The following TNFRSF1B variants were observed in gnomAD, a reference collection of about 807,000 sequenced individuals.
TNFRSF1B encodes TNF receptor superfamily member 1B, also known as tumor necrosis factor receptor superfamily member 1B.
TNFRSF1B carries 19 observed loss-of-function variants against 44.6 expected under a neutral mutation model. That is an observed-to-expected ratio of 0.43 (90% CI 0.30 to 0.62). The LOEUF is 0.62. Among genes scored for constraint, TNFRSF1B ranks in the 20% least tolerant of loss-of-function variants. TNFRSF1B has a pLI of 0.16. For synonymous variants in TNFRSF1B, 252 were observed against 261.1 expected (o/e 0.97, Z 0.34); for missense variants, 541 against 619.9 (o/e 0.87, Z 1.35).
Position 12,177,395 on chromosome 1 carries a change from C to A in TNFRSF1B, c.78+10226C>A, listed in dbSNP as rs1638685286. Among the ~76,000 whole-genome samples, 1 of 152,178 alleles carries A rather than the reference C, an allele frequency of 6.6e-6. No homozygotes were observed. The highest frequency in any genetic ancestry group is 2.4e-5 in the African/African-American group (1 of 41,442). On this transcript the variant is annotated intron_variant, in intron 1 of 9. Transcript: ENST00000376259. This position sits in a 1 kb window ranked among gnomAD's most constrained non-coding sequence, Gnocchi z 4.3. ...AGGGCCAGCCCGGTCCTGGTCACCG[C>A]TGGCTGGTTACCCCGGCTGGGTTGG... is the stretch of plus-strand genomic sequence containing the variant.
intron 8 of TNFRSF1B, among the ~76,000 whole-genome samples, chr1:12,198,689 C>CTTTTTTTTTTT (rs1324757848): frequency 4.3e-4 from 19 of 44,092 alleles, no homozygotes; most frequent in Non-Finnish European, 6.6e-4. Context: ...GGCTGGAATT[C>CTTTTTTTTTTT]TGTTTTTTTT....
At chr1:12,183,645 T>TCTA (rs1341643414) in intron 1 of TNFRSF1B, among the ~76,000 whole-genome samples, 1 of 147,876 alleles carries the variant, frequency 6.8e-6, no homozygotes, top group African/African-American at 2.5e-5. Flanking sequence ...TATCTAGCTA[T>TCTA]TTTATCTATT....
intron 1 of TNFRSF1B, among the ~76,000 whole-genome samples, chr1:12,174,154 TCTTCTTCTTCTCCTTCTC>T (rs1557623652): frequency 6.8e-5 from 5 of 74,064 alleles, no homozygotes; most frequent in East Asian, 4.5e-4. Context: ...TTCTTCTTCT[TCTTCTTCTTCTCCTTCTC>T]CTTCTCCTTC....
At chr1:12,191,544 C>G (rs932445735) in intron 3 of TNFRSF1B, among the ~76,000 whole-genome samples, 1 of 147,592 alleles carries the variant, frequency 6.8e-6, no homozygotes, top group Non-Finnish European at 1.5e-5. Flanking sequence ...CTGCGGGGGA[C>G]GAGCAGGACT....
Position 12,183,796 on chromosome 1 carries a change from A to AT in TNFRSF1B, c.79-4999dup, listed in dbSNP as rs1204471175. On this transcript the variant is annotated intron_variant, in intron 1 of 9. Transcript: ENST00000376259. Reference sequence around the variant, plus strand: ...ATCTATTCTATCTACCTACCTATCTATCTATCTAGCTATCTATCTATTCTA... The same window carrying AT: ...ATCTATTCTATCTACCTACCTATCTATTCTATCTAGCTATCTATCTATTCTA... 2.2e-3 allele frequency among the ~76,000 whole-genome samples: 313 copies of AT among 141,502 alleles called. 1 individual carries two copies. Among genetic ancestry groups the AT allele is most frequent in the Middle Eastern group, 7.6e-3 (2 of 262 alleles). 92.8% of individuals were successfully genotyped at this position (141,502 alleles called of 152,430 possible).
rs902455632 is a variant in TNFRSF1B, at chr1:12,207,339, G to A, written c.*319G>A. 1 of 340,596 alleles carries A rather than the reference G, an allele frequency of 2.9e-6. No homozygotes were observed. The highest frequency in any genetic ancestry group is 5.3e-6 in the Non-Finnish European group (1 of 189,332). 21.1% of individuals were successfully genotyped at this position (340,596 alleles called of 1,614,324 possible). On this transcript the variant is annotated 3_prime_UTR_variant, in exon 10 of 10. Transcript: ENST00000376259. ...CCGCCCAGCTGCACCTGCCAGCCTG[G>A]CTTCTGGAGCCCTTGGGTTTTTTGT...
chr1:12,206,709 A>G (rs2101131862), intron 9 of TNFRSF1B, 31 bp from the exon 10 acceptor site: 3 of 1,528,258 alleles, frequency 2.0e-6, no homozygotes, highest in African/African-American at 1.4e-5. Flanking sequence ...GGACCCCCGG[A>G]CTGACCCCCA....
In TNFRSF1B at chr1:12,178,089, C is replaced by T. The variant is rs563084144; in HGVS notation, c.79-10707C>T. Among the ~76,000 whole-genome samples, 1 of 152,352 alleles carries T rather than the reference C, an allele frequency of 6.6e-6. No individual in the cohort carries two copies. Among genetic ancestry groups the T allele is most frequent in the East Asian group, 1.9e-4 (1 of 5,190 alleles). Reference sequence around the variant, plus strand: ...GGTGGTGGTGGAGGAGACCGTGAGCCGCTGTCACCTGAACACTGGTGCACT... The same window carrying T: ...GGTGGTGGTGGAGGAGACCGTGAGCTGCTGTCACCTGAACACTGGTGCACT... On this transcript the variant is annotated intron_variant, in intron 1 of 9. Transcript: ENST00000376259. This position sits in a 1 kb window ranked among gnomAD's most constrained non-coding sequence, Gnocchi z 4.3.
At chr1:12,175,118 G>C (rs1638624548) in intron 1 of TNFRSF1B, among the ~76,000 whole-genome samples, 3 of 152,196 alleles carry the variant, frequency 2.0e-5, no homozygotes, top group African/African-American at 7.2e-5. Flanking sequence ...AGGGAGGGGG[G>C]AGGACATCTT....
chr1:12,172,519 G>A (rs2101076767), intron 1 of TNFRSF1B, among the ~76,000 whole-genome samples: 1 of 152,320 alleles, frequency 6.6e-6, no homozygotes, highest in East Asian at 1.9e-4. Flanking sequence ...GTGGTGCTCG[G>A]GCCTAGGTGG....
Position 12,193,578 on chromosome 1 carries a change from A to G in TNFRSF1B, c.788-377A>G, listed in dbSNP as rs575850686. Reference sequence around the variant, plus strand: ...ATGAGTGAGGTCCTATCTCAAAAACAAAACAAAACCAAACAAAACCCCTGG... The same window carrying G: ...ATGAGTGAGGTCCTATCTCAAAAACGAAACAAAACCAAACAAAACCCCTGG... On this transcript the variant is annotated intron_variant, in intron 6 of 9. Transcript: ENST00000376259. Among the ~76,000 whole-genome samples, 3 of 152,348 alleles carry G rather than the reference A, an allele frequency of 2.0e-5. No individual in the cohort carries two copies. In the South Asian group the frequency reaches 6.2e-4, roughly 32 times the overall value.
At chr1:12,200,323 C>G (rs17880252) in intron 8 of TNFRSF1B, among the ~76,000 whole-genome samples, 1 of 151,882 alleles carries the variant, frequency 6.6e-6, no homozygotes, top group African/African-American at 2.4e-5. Context: ...AGCCTGTGGG[C>G]GGACTCTGGA....
rs544533606 is a variant in TNFRSF1B, at chr1:12,169,717, A to G, written c.78+2548A>G. ...GTCTTATTTGCCAGCTGGTATGGAA[A>G]ACATCATTCATTCATTTAGCCATTT... On this transcript the variant is annotated intron_variant, in intron 1 of 9. Transcript: ENST00000376259. The surrounding 1 kb of genome is among the most constrained non-coding windows in gnomAD (Gnocchi z 4.5). Among the ~76,000 whole-genome samples the G allele has an allele frequency of 3.3e-5, 5 of 152,386 alleles. No homozygotes were observed. Among genetic ancestry groups the G allele is most frequent in the African/African-American group, 1.2e-4 (5 of 41,594 alleles).
chr1:12,175,936 C>T (rs766309841), intron 1 of TNFRSF1B, among the ~76,000 whole-genome samples: 51 of 152,062 alleles, frequency 3.4e-4, no homozygotes, highest in Non-Finnish European at 6.2e-4. Flanking sequence ...GGGGACAGGC[C>T]GGGCACGGTG....
chr1:12,190,632 G>T (rs1450504430), intron 2 of TNFRSF1B, among the ~76,000 whole-genome samples: 1 of 151,982 alleles, frequency 6.6e-6, no homozygotes, highest in Non-Finnish European at 1.5e-5. Context: ...CCCCTAGCTG[G>T]AGAATATTAG....
chr1:12,181,846 C>A (rs1323244450), intron 1 of TNFRSF1B, among the ~76,000 whole-genome samples: 1 of 152,216 alleles, frequency 6.6e-6, no homozygotes, highest in African/African-American at 2.4e-5. Context: ...TGTTTCTCCA[C>A]CTCTCATGTG....
intron 1 of TNFRSF1B, among the ~76,000 whole-genome samples, chr1:12,172,820 A>T (rs917264750): frequency 6.6e-6 from 1 of 152,192 alleles, no homozygotes; most frequent in Non-Finnish European, 1.5e-5. Flanking sequence ...AGTGAGTAAC[A>T]GGTGCTGTGT....
chr1:12,184,683 CG>C (rs779251497), intron 1 of TNFRSF1B, among the ~76,000 whole-genome samples: 3 of 152,210 alleles, frequency 2.0e-5, no homozygotes, highest in Non-Finnish European at 4.4e-5. Context: ...AACTTGGCCA[CG>C]GCAGGGCTCT....
In TNFRSF1B at chr1:12,187,641, G is replaced by A. The variant is rs1639016473; in HGVS notation, c.79-1155G>A. Among the ~76,000 whole-genome samples the A allele has an allele frequency of 6.6e-6, 1 of 152,250 alleles. No individual in the cohort carries two copies. The highest frequency in any genetic ancestry group is 6.5e-5 in the Admixed American group (1 of 15,284). ...CGGTTTCCTGTTCTATAAAATGGCT[G>A]CAGTAGGGAAACCGTCTCCATCTTC... On this transcript the variant is annotated intron_variant, in intron 1 of 9. Coordinates refer to ENST00000376259, the MANE Select transcript of TNFRSF1B (RefSeq NM_001066.3). This position sits in a 1 kb window ranked among gnomAD's most constrained non-coding sequence, Gnocchi z 5.5.
Sources: gnomAD v4.1 joint callset for allele counts (sites outside exome capture counted in the v4.1 genomes callset) on GRCh38, gnomAD v4.1.1 for gene constraint, Gnocchi (gnomAD v3.1) non-coding constraint, MANE v1.5 for transcripts, NCBI Gene and HGNC (gene_info 2026-07-23, HGNC 2026-07-21) for gene names.